FBXO3: variants seen among roughly 807,000 people sequenced by gnomAD.
The protein encoded by FBXO3 is F-box protein 3.
A neutral mutation model predicts 64.8 loss-of-function variants in FBXO3; 17 were observed. The ratio of observed to expected loss-of-function variants is 0.26; its 90% CI spans 0.18 to 0.39. FBXO3 has a LOEUF of 0.39. Among genes scored for constraint, FBXO3 ranks in the 10% least tolerant of loss-of-function variants. The pLI is 1.00. For synonymous variants in FBXO3, 182 were observed against 201.6 expected, an observed-to-expected ratio of 0.90 and a Z score of 0.82; for missense variants, 420 against 589.9, an observed-to-expected ratio of 0.71 and a Z score of 2.98.
chr11:33,764,223 T>G (rs926858905), intron 3 of FBXO3, among the ~76,000 whole-genome samples: 2 of 152,158 alleles, frequency 1.3e-5, no homozygotes, highest in African/African-American at 4.8e-5. Context: ...AGATTGAATC[T>G]CACAAAGTAG....
chr11:33,757,018 C>A (rs780858687), intron 4 of FBXO3: 1 of 518,870 alleles, frequency 1.9e-6, no homozygotes, highest in South Asian at 1.4e-5. Flanking sequence ...GTGTGAGCGA[C>A]CACACCCTGC....
chr11:33,751,662 T>C, intron 6 of FBXO3, 55 bp from the exon 7 acceptor site: 1 of 1,046,128 alleles, frequency 9.6e-7, no homozygotes, highest in African/African-American at 1.6e-5. Flanking sequence ...TTGTAAAATC[T>C]ATACAGGAAA....
rs570574434 is a variant in FBXO3, at chr11:33,743,427, C to T, written c.1240-1343G>A. ...ATGTTCTCTCTCACACATTTGAAGA[C>T]GCAATGGGAGGGGCTGCTACATTGA... is the stretch of plus-strand genomic sequence containing the variant. On this transcript the variant is annotated intron_variant, in intron 10 of 10. Coordinates refer to ENST00000265651, the MANE Select transcript of FBXO3 (RefSeq NM_012175.4). This position sits in a 1 kb window ranked among gnomAD's most constrained non-coding sequence, Gnocchi z 4.6. 1.3e-5 allele frequency: 2 copies of T among 152,316 alleles called. No homozygotes were observed. Among genetic ancestry groups the T allele is most frequent in the African/African-American group, 2.4e-5 (1 of 41,570 alleles). The allele number at this position is 152,316 out of a possible 1,614,324, so 9.4% of individuals were successfully genotyped here. A position where few individuals can be genotyped will look rare whatever the true frequency, so the allele number is the denominator to read the frequency against.
In FBXO3 at chr11:33,754,113, T is replaced by G. The variant is rs1590570353; in HGVS notation, c.724+342A>C. 3 of 186,040 alleles carry G rather than the reference T, an allele frequency of 1.6e-5. No individual in the cohort carries two copies. In the East Asian group the frequency reaches 4.0e-4, roughly 25 times the overall value. 11.5% of individuals were successfully genotyped at this position (186,040 alleles called of 1,614,324 possible). On this transcript the variant is annotated intron_variant, in intron 6 of 10. Transcript: ENST00000265651. The stretch of plus-strand genomic sequence containing the variant: ...AAAGTTTAAAGTTGCTTTATATATC[T>G]GTATCCCCAATTATACATGAATATA...
intron 5 of FBXO3, 35 bp from the exon 6 acceptor site, chr11:33,754,535 C>T (rs371967624): frequency 2.0e-6 from 3 of 1,526,786 alleles, no homozygotes; most frequent in Non-Finnish European, 2.6e-6. Flanking sequence ...GATAAAAACA[C>T]ATTTTACTTA....
chr11:33,747,363 T>C, intron 9 of FBXO3, 43 bp from the exon 10 acceptor site: 1 of 1,478,042 alleles, frequency 6.8e-7, no homozygotes, highest in Non-Finnish European at 9.4e-7. Flanking sequence ...ATAAAATTCA[T>C]TTCTTTATTA....
rs778868394 is a variant in FBXO3 at position 33,758,520 on chromosome 11, C to T, written c.440G>A (p.Arg147Gln). The T allele has an allele frequency of 1.2e-6, 2 of 1,606,652 alleles. No individual in the cohort carries two copies. Among genetic ancestry groups the T allele is most frequent in the African/African-American group, 1.3e-5 (1 of 74,852 alleles). Reference protein sequence around the residue: ...KLPDDYRCSYRIHNGQKLVVP... With the variant: ...KLPDDYRCSYQIHNGQKLVVP... ...CACTAACTTCTGTCCATTGTGAATT[C>T]GGTATGAACATCGATAATCGTCAGG... is the stretch of plus-strand genomic sequence containing the variant. Residue 147 changes from arginine to glutamine, a missense_variant, in exon 4 of 11, where the codon CGA becomes CAA. Coordinates refer to ENST00000265651, the MANE Select transcript of FBXO3 (RefSeq NM_012175.4).
At chr11:33,762,664 T>C (rs1386747315) in intron 3 of FBXO3, among the ~76,000 whole-genome samples, 1 of 150,508 alleles carries the variant, frequency 6.6e-6, no homozygotes, top group Non-Finnish European at 1.5e-5. Flanking sequence ...TTTAGAGCTC[T>C]AAATTCATTT....
At position 33,746,601 on chromosome 11, in the gene FBXO3, A is replaced by G. The variant is rs531763787; in HGVS notation, c.1239+529T>C. On this transcript the variant is annotated intron_variant, in intron 10 of 10. Transcript: ENST00000265651. ...AACTGGAGCTTCATAACTTTCTTTAATCATGTTATAGTCTCTAAGGTTGGA... is the reference window on the plus strand; with the variant it reads ...AACTGGAGCTTCATAACTTTCTTTAGTCATGTTATAGTCTCTAAGGTTGGA... The G allele has an allele frequency of 9.2e-5, 64 of 696,500 alleles. No homozygotes were observed. The African/African-American group carries it at 1.1e-3, about 12-fold the overall frequency. The allele number at this position is 696,500 out of a possible 1,614,324, so 43.1% of individuals were successfully genotyped here. A position where few individuals can be genotyped will look rare whatever the true frequency, so the allele number is the denominator to read the frequency against.
chr11:33,753,263 C>T (rs919988103), intron 6 of FBXO3: 2 of 152,116 alleles, frequency 1.3e-5, no homozygotes, highest in African/African-American at 4.8e-5. Flanking sequence ...CTTTGCTCTC[C>T]CATTTTAAGA....
At position 33,741,280 on chromosome 11, in the gene FBXO3, G is replaced by A. The variant is rs926542318; in HGVS notation, c.*628C>T. 6.6e-6 allele frequency: 1 copy of A among 152,586 alleles called. No homozygotes were observed. Among genetic ancestry groups the A allele is most frequent in the Non-Finnish European group, 1.5e-5 (1 of 68,036 alleles). 9.5% of individuals were successfully genotyped at this position (152,586 alleles called of 1,614,324 possible). On this transcript the variant is annotated 3_prime_UTR_variant, in exon 11 of 11. Transcript: ENST00000265651. ...TTGAAGACTTTAAATTAAATCCAAG[G>A]TCATCATGTTGAAGACCTGAAATTA...
chr11:33,767,557 C>T (rs1201786638), intron 3 of FBXO3: 1 of 152,278 alleles, frequency 6.6e-6, no homozygotes, highest in African/African-American at 2.4e-5. Flanking sequence ...CCTCGGCCTC[C>T]CAAAGTGCTG....
chr11:33,763,768 G>A (rs567343765), intron 3 of FBXO3, among the ~76,000 whole-genome samples: 1 of 152,106 alleles, frequency 6.6e-6, no homozygotes, highest in African/African-American at 2.4e-5. Flanking sequence ...GAAGGCCCTC[G>A]CCAGTGCAGT....
At chr11:33,761,869 C>T (rs986136440) in intron 3 of FBXO3, among the ~76,000 whole-genome samples, 21 of 152,156 alleles carry the variant, frequency 1.4e-4, no homozygotes, top group Admixed American at 1.3e-4. Flanking sequence ...CCATAATATG[C>T]CAGCTTGCTT....
At chr11:33,757,952 T>C (rs1855149009) in intron 4 of FBXO3, among the ~76,000 whole-genome samples, 1 of 145,952 alleles carries the variant, frequency 6.9e-6, no homozygotes, top group African/African-American at 2.5e-5. Context: ...CAAGACCCTG[T>C]CTCAAAAAAA....
In FBXO3 at chr11:33,750,658, A is replaced by G. The variant is rs1854933621; in HGVS notation, c.813T>C (p.Tyr271=). 4 of 1,608,028 alleles carry G rather than the reference A, an allele frequency of 2.5e-6. No homozygotes were observed. Among genetic ancestry groups the G allele is most frequent in the Admixed American group, 1.7e-5 (1 of 59,106 alleles). The change falls in exon 8 of 11, where the codon TAT becomes TAC. Residue 271 remains tyrosine, a synonymous_variant. Coordinates refer to ENST00000265651, the MANE Select transcript of FBXO3 (RefSeq NM_012175.4). ...FPIIRDQIFR[Y]VHDPECVATT... is the part of the protein sequence containing the mutation. ...TTGCTACACATTCTGGATCGTGAACATATCTAGGTAATTTAAAAATTAAAC... is the reference window on the plus strand; with the variant it reads ...TTGCTACACATTCTGGATCGTGAACGTATCTAGGTAATTTAAAAATTAAAC...
At chr11:33,772,250 T>C (rs1855528749) in intron 1 of FBXO3, 1 of 152,210 alleles carries the variant, frequency 6.6e-6, no homozygotes, top group Non-Finnish European at 1.5e-5. Context: ...TTGGGCTGTA[T>C]GGTGCAGGAA....
chr11:33,746,910 G>T, intron 10 of FBXO3: 2 of 1,423,934 alleles, frequency 1.4e-6, no homozygotes, highest in East Asian at 2.6e-5. Flanking sequence ...TGAAAAACAA[G>T]TTGAATCTTT....
chr11:33,744,850 G>A (rs1160253212), intron 10 of FBXO3: 1 of 152,114 alleles, frequency 6.6e-6, no homozygotes, highest in African/African-American at 2.4e-5. Flanking sequence ...TTCTGATATG[G>A]TAAGCATTAA....
Sources: allele counts gnomAD v4.1 joint callset (sites outside exome capture counted in the v4.1 genomes callset), GRCh38; gene constraint gnomAD v4.1.1; non-coding constraint Gnocchi (gnomAD v3.1); transcripts MANE v1.5; gene names NCBI Gene and HGNC (gene_info 2026-07-23, HGNC 2026-07-21).